Variants in PRKACB observed in about 807,000 individuals in gnomAD.
PRKACB encodes the protein protein kinase cAMP-activated catalytic subunit beta, also known as cAMP-dependent protein kinase catalytic subunit beta.
PRKACB carries 16 observed loss-of-function variants against 51.4 expected under a neutral mutation model. The observed-to-expected ratio is 0.31, with a 90% confidence interval of 0.21 to 0.47. The LOEUF (loss-of-function observed/expected upper bound fraction) is 0.47, where lower values mean the gene tolerates loss of function less well. Ranked by LOEUF, PRKACB falls within the 20% of genes least tolerant of loss-of-function variation. The pLI is 1.00. For missense variants in PRKACB, 309 were observed against 464.5 expected, an observed-to-expected ratio of 0.67 and a Z score of 3.08; for synonymous variants, 147 against 154.4, an observed-to-expected ratio of 0.95 and a Z score of 0.35.
intron 1 of PRKACB, among the ~76,000 whole-genome samples, chr1:84,094,339 T>G (rs1648759074): frequency 6.6e-6 from 1 of 152,062 alleles, no homozygotes; most frequent in Non-Finnish European, 1.5e-5. Flanking sequence ...GAGTTTTGAA[T>G]CTTAAATTAA....
chr1:84,235,123 A>C, intron 9 of PRKACB, 57 bp from the exon 10 acceptor site: 2 of 1,543,598 alleles, frequency 1.3e-6, no homozygotes, highest in Non-Finnish European at 1.8e-6. Flanking sequence ...TGGTGTTTGG[A>C]AACTCTCAGG....
chr1:84,184,650 A>G (rs989311106), intron 4 of PRKACB, among the ~76,000 whole-genome samples: 6 of 151,914 alleles, frequency 3.9e-5, no homozygotes, highest in Non-Finnish European at 8.8e-5. Flanking sequence ...GCAATATTGA[A>G]TCATATGAAA....
At chr1:84,127,445 A>G (rs1035213160) in intron 1 of PRKACB, among the ~76,000 whole-genome samples, 1 of 152,208 alleles carries the variant, frequency 6.6e-6, no homozygotes, top group Non-Finnish European at 1.5e-5. Flanking sequence ...GGGATATTCA[A>G]CTGTATCAGT....
chr1:84,192,390 G>A (rs981511257), intron 5 of PRKACB, among the ~76,000 whole-genome samples: 4 of 152,062 alleles, frequency 2.6e-5, no homozygotes, highest in Non-Finnish European at 1.5e-5. Context: ...TAAGATTGTT[G>A]CCATTTCTTT....
rs879240801 is a variant in PRKACB, at chr1:84,185,285, A to G, written c.560+103A>G. ...CAAAAACTTATTTTGTTTGATTAAT[A>G]TTTTGGCCATATGAAGCATTAGGTG... On this transcript the variant is annotated intron_variant, in intron 5 of 9. Coordinates refer to ENST00000370685, the MANE Select transcript of PRKACB (RefSeq NM_182948.4). 5.8e-5 allele frequency: 48 copies of G among 826,712 alleles called. No individual in the cohort carries two copies. In the Middle Eastern group the frequency reaches 2.7e-3, roughly 46 times the overall value. 51.2% of individuals were successfully genotyped at this position (826,712 alleles called of 1,614,324 possible). A position where few individuals can be genotyped will look rare whatever the true frequency, so the allele number is the denominator to read the frequency against.
At chr1:84,136,266 AAG>A (rs1308003817) in intron 1 of PRKACB, among the ~76,000 whole-genome samples, 1 of 150,722 alleles carries the variant, frequency 6.6e-6, no homozygotes, top group East Asian at 1.9e-4. Flanking sequence ...TTTTCAGAAA[AAG>A]AAAGAATCAG....
intron 7 of PRKACB, among the ~76,000 whole-genome samples, chr1:84,200,004 C>T (rs1026729136): frequency 1.3e-5 from 2 of 152,072 alleles, no homozygotes; most frequent in South Asian, 4.2e-4. Context: ...CACTACAACA[C>T]CTGGTTAATT....
intron 9 of PRKACB, among the ~76,000 whole-genome samples, chr1:84,227,613 A>G (rs1231366116): frequency 6.6e-6 from 1 of 152,198 alleles, no homozygotes; most frequent in African/African-American, 2.4e-5. Context: ...TTTAAAGTGT[A>G]TGTGCTTTTC....
At chr1:84,148,224 G>T (rs1654378305) in intron 1 of PRKACB, among the ~76,000 whole-genome samples, 1 of 151,764 alleles carries the variant, frequency 6.6e-6, no homozygotes, top group South Asian at 2.1e-4. Flanking sequence ...CATACTTTAG[G>T]CATCCTCTCA....
chr1:84,210,919 C>G (rs1461207317), intron 8 of PRKACB, among the ~76,000 whole-genome samples: 4 of 152,146 alleles, frequency 2.6e-5, no homozygotes, highest in African/African-American at 9.7e-5. Flanking sequence ...AATACTTTCA[C>G]AATGACTTTC....
chr1:84,091,997 G>T (rs1260935637), intron 1 of PRKACB, among the ~76,000 whole-genome samples: 2 of 152,090 alleles, frequency 1.3e-5, no homozygotes, highest in Non-Finnish European at 2.9e-5. Context: ...TTTGGTTTTT[G>T]TTATGATTGG....
chr1:84,114,996 A>G (rs1391074562), intron 1 of PRKACB, among the ~76,000 whole-genome samples: 1 of 152,212 alleles, frequency 6.6e-6, no homozygotes, highest in Non-Finnish European at 1.5e-5. Context: ...TGCAGTAAAC[A>G]CACAAGTGCA....
At chr1:84,082,984 A>G (rs1647668999) in intron 1 of PRKACB, among the ~76,000 whole-genome samples, 1 of 152,210 alleles carries the variant, frequency 6.6e-6, no homozygotes. Context: ...TAGTGAGCAA[A>G]TTATTATAGT....
At chr1:84,164,310 G>A in intron 1 of PRKACB, 1 of 1,528,512 alleles carries the variant, frequency 6.5e-7, no homozygotes, top group Non-Finnish European at 8.8e-7. Flanking sequence ...ACAGCACACA[G>A]CATTTTAATA....
chr1:84,164,893 C>T, intron 1 of PRKACB: 6 of 1,470,326 alleles, frequency 4.1e-6, no homozygotes, highest in Non-Finnish European at 5.4e-6. Flanking sequence ...GTGCTGCATG[C>T]TCCAGTGTGT....
intron 1 of PRKACB, among the ~76,000 whole-genome samples, chr1:84,119,459 T>G (rs1650883282): frequency 6.6e-6 from 1 of 152,166 alleles, no homozygotes; most frequent in South Asian, 2.1e-4. Flanking sequence ...ACCCTTCTAC[T>G]GATGCTTTCA....
chr1:84,096,708 T>C (rs903433533), intron 1 of PRKACB, among the ~76,000 whole-genome samples: 1 of 152,134 alleles, frequency 6.6e-6, no homozygotes, highest in African/African-American at 2.4e-5. Flanking sequence ...TATATCACTT[T>C]ATTGAAGCAG....
chr1:84,236,883 C>T lies in PRKACB; in HGVS notation c.*1578C>T, dbSNP rs935221371. The T allele has an allele frequency of 1.3e-5, 2 of 152,450 alleles. No individual in the cohort carries two copies. The highest frequency in any genetic ancestry group is 3.8e-4 in the East Asian group (2 of 5,198). 9.4% of individuals were successfully genotyped at this position (152,450 alleles called of 1,614,324 possible). A position where few individuals can be genotyped will look rare whatever the true frequency, so the allele number is the denominator to read the frequency against. On this transcript the variant is annotated 3_prime_UTR_variant, in exon 10 of 10. Coordinates refer to ENST00000370685, the MANE Select transcript of PRKACB (RefSeq NM_182948.4). ...GGGTTCATTTTAATGATCAATTTAC[C>T]TGCATATAAAATTTATTTTTAATCA...
rs762826857 is a variant in PRKACB at position 84,173,282 on chromosome 1, T to A, written c.188-5895T>A. The A allele has an allele frequency of 4.8e-6, 7 of 1,467,064 alleles. No homozygotes were observed. The African/African-American group carries it at 9.8e-5, about 21-fold the overall frequency. The allele number at this position is 1,467,064 out of a possible 1,614,324, so 90.9% of individuals were successfully genotyped here. ...ATAGATGGGTAACTTCTTGTAGGTA[T>A]GTTATTTTATGTGTTATTTAATCTC... On this transcript the variant is annotated intron_variant, in intron 1 of 9. Transcript: ENST00000370685.
Sources: allele counts gnomAD v4.1 joint callset (sites outside exome capture counted in the v4.1 genomes callset), GRCh38; gene constraint gnomAD v4.1.1; transcripts MANE v1.5; gene names NCBI Gene and HGNC (gene_info 2026-07-23, HGNC 2026-07-21).